The following PDK1 variants were observed in gnomAD, a reference collection of about 807,000 sequenced individuals.
PDK1 encodes pyruvate dehydrogenase kinase 1.
PDK1 carries 39 observed loss-of-function variants against 54.2 expected under a neutral mutation model. The observed-to-expected ratio is 0.72, with a 90% CI of 0.56 to 0.94. The LOEUF (loss-of-function observed/expected upper bound fraction) is 0.94. Ranked by LOEUF, PDK1 falls within the 40% of genes least tolerant of loss-of-function variation. The pLI, the probability that PDK1 is intolerant of heterozygous loss-of-function variation, is 0.00. For synonymous variants in PDK1, 221 were observed against 207.1 expected (o/e 1.07, Z -0.58); for missense variants, 552 against 566.0 (o/e 0.98, Z 0.25).
chr2:172,582,130 CTTGG>C (rs1689946626), intron 8 of PDK1, among the ~76,000 whole-genome samples: 1 of 152,070 alleles, frequency 6.6e-6, no homozygotes, highest in Non-Finnish European at 1.5e-5. Flanking sequence ...CCAGGCTGGT[CTTGG>C]AACTCCTGAC....
At chr2:172,716,312 A>T in the PDK1 span, among the ~76,000 whole-genome samples, 3 of 152,108 alleles carry the variant, frequency 2.0e-5, no homozygotes, top group Non-Finnish European at 2.9e-5. Context: ...TGTTACTGAA[A>T]TATCTGATTA....
chr2:172,612,724 A>G (rs534531758), downstream of PDK1, among the ~76,000 whole-genome samples: 3 of 152,046 alleles, frequency 2.0e-5, no homozygotes, highest in South Asian at 2.1e-4. Context: ...CTGGAGTGCA[A>G]TGGCGTGATC....
At chr2:172,666,672 A>C in the PDK1 span, among the ~76,000 whole-genome samples, 1 of 152,216 alleles carries the variant, frequency 6.6e-6, no homozygotes, top group East Asian at 1.9e-4. Context: ...CTAAGAACAG[A>C]GCAGGTGACC....
chr2:172,679,543 A>G, the PDK1 span, among the ~76,000 whole-genome samples: 5 of 152,214 alleles, frequency 3.3e-5, no homozygotes, highest in Non-Finnish European at 5.9e-5. Context: ...AAAGAACTGG[A>G]AGCATTTTCT....
At chr2:172,672,639 A>T in the PDK1 span, among the ~76,000 whole-genome samples, 1 of 151,558 alleles carries the variant, frequency 6.6e-6, no homozygotes, top group Non-Finnish European at 1.5e-5. Context: ...TTTAAAAAAC[A>T]AGATGCTTTT....
chr2:172,609,170 G>A (rs1338887615), downstream of PDK1, among the ~76,000 whole-genome samples: 2 of 152,170 alleles, frequency 1.3e-5, no homozygotes, highest in African/African-American at 4.8e-5. Context: ...AGAAAGTTAG[G>A]ATGGTGTTCT....
chr2:172,663,573 G>A, the PDK1 span, among the ~76,000 whole-genome samples: 168 of 151,762 alleles, frequency 1.1e-3, no homozygotes, highest in South Asian at 1.0e-3. Flanking sequence ...AGGCTCAAGC[G>A]ATCCTCCTGT....
chr2:172,610,415 A>G (rs1018511241), downstream of PDK1, among the ~76,000 whole-genome samples: 13 of 151,890 alleles, frequency 8.6e-5, no homozygotes, highest in Non-Finnish European at 7.4e-5. Context: ...ACCAGCCACC[A>G]TGGTGGGGGG....
chr2:172,715,476 A>G, the PDK1 span, among the ~76,000 whole-genome samples: 2 of 152,198 alleles, frequency 1.3e-5, no homozygotes, highest in African/African-American at 2.4e-5. Flanking sequence ...GCCCACCACT[A>G]TGTATTTCAA....
the PDK1 span, among the ~76,000 whole-genome samples, chr2:172,695,984 C>A: frequency 6.6e-6 from 1 of 151,854 alleles, no homozygotes; most frequent in Non-Finnish European, 1.5e-5. Context: ...ACCAGGCTGG[C>A]CAACATGGTG....
chr2:172,711,959 C>T, the PDK1 span, among the ~76,000 whole-genome samples: 56 of 141,596 alleles, frequency 4.0e-4, no homozygotes, highest in Admixed American at 1.0e-3. Flanking sequence ...TCTTATCTGT[C>T]TTATATTTTT....
At chr2:172,566,219 C>T (rs1451317230) in intron 5 of PDK1, among the ~76,000 whole-genome samples, 2 of 151,820 alleles carry the variant, frequency 1.3e-5, no homozygotes, top group East Asian at 3.9e-4. Context: ...TTATATTTGT[C>T]ATTCATTGTT....
the PDK1 span, among the ~76,000 whole-genome samples, chr2:172,629,361 G>A: frequency 7.2e-5 from 11 of 152,110 alleles, no homozygotes; most frequent in African/African-American, 2.7e-4. Context: ...AACCCCACAG[G>A]CCCCACTGGT....
the PDK1 span, among the ~76,000 whole-genome samples, chr2:172,719,834 G>T: frequency 6.6e-6 from 1 of 152,124 alleles, no homozygotes; most frequent in Non-Finnish European, 1.5e-5. Flanking sequence ...TTGTGTGATA[G>T]TTCCAGCATC....
chr2:172,702,345 C>T, the PDK1 span, among the ~76,000 whole-genome samples: 11 of 152,072 alleles, frequency 7.2e-5, no homozygotes, highest in African/African-American at 2.2e-4. Flanking sequence ...CGCATGATGG[C>T]GGATGCCTGT....
Position 172,556,206 on chromosome 2 carries a change from T to C in PDK1, c.56T>C (p.Leu19Pro). Residue 19 changes from leucine (L) to proline (P), a missense_variant, in exon 1 of 11, where the codon CTG becomes CCG. Coordinates refer to ENST00000282077, the MANE Select transcript of PDK1 (RefSeq NM_002610.5). ...GAALAGPGPG[L>P]RAAGFSRSFS... is the part of the protein sequence containing the mutation. ...GCCTTGGCCGGCCCGGGCCCGGGGC[T>C]GCGCGCCGCCGGCTTCAGCCGCAGC... 7.1e-7 allele frequency: 1 copy of C among 1,417,058 alleles called. No homozygotes were observed. The highest frequency in any genetic ancestry group is 9.1e-7 in the Non-Finnish European group (1 of 1,093,204). 87.8% of individuals were successfully genotyped at this position (1,417,058 alleles called of 1,614,324 possible).
chr2:172,671,860 T>C, the PDK1 span, among the ~76,000 whole-genome samples: 1 of 152,062 alleles, frequency 6.6e-6, no homozygotes, highest in East Asian at 1.9e-4. Flanking sequence ...GGTAACACAG[T>C]AAAAAGTGAA....
At chr2:172,580,990 GA>G (rs1358004328) in intron 8 of PDK1, among the ~76,000 whole-genome samples, 1 of 151,534 alleles carries the variant, frequency 6.6e-6, no homozygotes. Context: ...TGGAGGTGAT[GA>G]AAAATTCTAA....
At chr2:172,678,960 A>G in the PDK1 span, 1 of 152,262 alleles carries the variant, frequency 6.6e-6, no homozygotes, top group Admixed American at 6.5e-5. Context: ...TTTACAAAAT[A>G]TAGCTCTAGA....
Sources: allele counts gnomAD v4.1 joint callset (sites outside exome capture counted in the v4.1 genomes callset), GRCh38; gene constraint gnomAD v4.1.1; transcripts MANE v1.5; gene names NCBI Gene and HGNC (gene_info 2026-07-23, HGNC 2026-07-21).